Variants in IGF2R observed in about 807,000 individuals in gnomAD.
IGF2R encodes cation-independent mannose-6-phosphate receptor.
IGF2R carries 91 observed loss-of-function variants against 270.6 expected under a neutral mutation model. The ratio of observed to expected loss-of-function variants is 0.34; its 90% CI spans 0.28 to 0.40. The LOEUF is 0.40. Ranked by LOEUF, IGF2R falls within the 10% of genes least tolerant of loss-of-function variation. IGF2R has a pLI of 1.00. For synonymous variants in IGF2R, 1,316 were observed against 1,258.9 expected, an observed-to-expected ratio of 1.05 and a Z score of -0.96; for missense variants, 2,805 against 3,188.3, an observed-to-expected ratio of 0.88 and a Z score of 2.90.
At chr6:160,011,184 G>C (rs1051498200) in intron 4 of IGF2R, among the ~76,000 whole-genome samples, 1 of 152,128 alleles carries the variant, frequency 6.6e-6, no homozygotes, top group Admixed American at 6.5e-5. Context: ...CTTTCCACCT[G>C]TGTTGTACCC....
Position 160,084,964 on chromosome 6 carries a change from C to T in IGF2R, c.6069-31C>T. 6.2e-7 allele frequency: 1 copy of T among 1,601,574 alleles called. No homozygotes were observed. Among genetic ancestry groups the T allele is most frequent in the African/African-American group, 1.3e-5 (1 of 74,682 alleles). Reference sequence around the variant, plus strand: ...CAGGGCAGAGACGTCACTTGCATGCCTTTTACCTGCCCCTTTGTGTCGTTT... The same window carrying T: ...CAGGGCAGAGACGTCACTTGCATGCTTTTTACCTGCCCCTTTGTGTCGTTT... On this transcript the variant is annotated intron_variant, in intron 40 of 47. Coordinates refer to ENST00000356956, the MANE Select transcript of IGF2R (RefSeq NM_000876.4). The surrounding 1 kb of genome is among the most constrained non-coding windows in gnomAD (Gnocchi z 4.6).
chr6:160,030,606 A>G (rs1206711290), intron 7 of IGF2R, among the ~76,000 whole-genome samples: 1 of 152,100 alleles, frequency 6.6e-6, no homozygotes, highest in African/African-American at 2.4e-5. Context: ...TACAGATGTG[A>G]GTTGAAATCT....
intron 44 of IGF2R, among the ~76,000 whole-genome samples, chr6:160,090,722 T>C (rs1394754132): frequency 6.6e-6 from 1 of 152,222 alleles, no homozygotes; most frequent in South Asian, 2.1e-4. Context: ...GTAATAACTC[T>C]TTAAAAAAAA....
chr6:160,019,856 T>C (rs1777392895), intron 4 of IGF2R, among the ~76,000 whole-genome samples: 1 of 152,216 alleles, frequency 6.6e-6, no homozygotes, highest in South Asian at 2.1e-4. Context: ...AGCATCGTAC[T>C]GAACAGGGAA....
At chr6:160,093,662 A>G (rs1276488520) in intron 44 of IGF2R, 3 of 747,406 alleles carry the variant, frequency 4.0e-6, no homozygotes, top group Admixed American at 3.5e-5. Flanking sequence ...ATTCCTGCAA[A>G]CTCTGGCTCA....
chr6:159,975,756 T>C (rs1240921859), intron 1 of IGF2R, among the ~76,000 whole-genome samples: 1 of 147,500 alleles, frequency 6.8e-6, no homozygotes, highest in East Asian at 1.9e-4. Context: ...ATATATATTA[T>C]AGTGTATATT....
chr6:160,029,868 T>C (rs572415404), intron 7 of IGF2R, among the ~76,000 whole-genome samples: 1 of 152,346 alleles, frequency 6.6e-6, no homozygotes, highest in East Asian at 1.9e-4. Flanking sequence ...CATTTTGCCT[T>C]TTGCTTTTTT....
In IGF2R at chr6:160,050,379, T is replaced by C; in HGVS notation, c.2515-94T>C. ...AGTGGTTCTGTATTCAATAATTCAT[T>C]GTTTGCTGCAGCTTTATAGAATGTA... On this transcript the variant is annotated intron_variant, in intron 18 of 47. Coordinates refer to ENST00000356956, the MANE Select transcript of IGF2R (RefSeq NM_000876.4). The surrounding 1 kb of genome is among the most constrained non-coding windows in gnomAD (Gnocchi z 4.0). 8.1e-7 allele frequency: 1 copy of C among 1,231,218 alleles called. No individual in the cohort carries two copies. Among genetic ancestry groups the C allele is most frequent in the Non-Finnish European group, 1.1e-6 (1 of 869,620 alleles). 76.3% of individuals were successfully genotyped at this position (1,231,218 alleles called of 1,614,324 possible).
intron 2 of IGF2R, among the ~76,000 whole-genome samples, chr6:159,994,517 A>G (rs1328448035): frequency 6.7e-6 from 1 of 149,004 alleles, no homozygotes; most frequent in Admixed American, 6.7e-5. Flanking sequence ...TTTTTTTTCT[A>G]GTGCCATGAG....
intron 44 of IGF2R, chr6:160,094,946 C>G (rs1779316436): frequency 6.7e-6 from 1 of 150,156 alleles, no homozygotes; most frequent in African/African-American, 2.5e-5. Context: ...TCTCCAGGAG[C>G]TTTTTGGTAA....
chr6:160,017,649 A>T (rs573749019), intron 4 of IGF2R, among the ~76,000 whole-genome samples: 2 of 152,276 alleles, frequency 1.3e-5, no homozygotes, highest in East Asian at 3.9e-4. Flanking sequence ...CATCAAACTA[A>T]TAGGGGACTT....
At chr6:160,066,262 G>A (rs867553146) in intron 29 of IGF2R, among the ~76,000 whole-genome samples, 5 of 151,862 alleles carry the variant, frequency 3.3e-5, no homozygotes, top group African/African-American at 9.7e-5. Context: ...TGATTCGCCC[G>A]CCTTGGCCTC....
At chr6:159,982,089 A>G (rs1783814899) in intron 1 of IGF2R, among the ~76,000 whole-genome samples, 3 of 152,206 alleles carry the variant, frequency 2.0e-5, no homozygotes, top group East Asian at 1.9e-4. Flanking sequence ...AGCTCGGGGT[A>G]GGAGTCTTCA....
At position 160,050,936 on chromosome 6, in the gene IGF2R, A is replaced by T. The variant is rs1778182975; in HGVS notation, c.2694+284A>T. Reference sequence around the variant, plus strand: ...GATTTTTTTTCTGAGTCGTACAGACATTATCTTGCCTCTTAGTTCTTGTGA... The same window carrying T: ...GATTTTTTTTCTGAGTCGTACAGACTTTATCTTGCCTCTTAGTTCTTGTGA... On this transcript the variant is annotated intron_variant, in intron 19 of 47. Transcript: ENST00000356956. This position sits in a 1 kb window ranked among gnomAD's most constrained non-coding sequence, Gnocchi z 4.0. Among the ~76,000 whole-genome samples, 1 of 152,102 alleles carries T rather than the reference A, an allele frequency of 6.6e-6. No individual in the cohort carries two copies. The highest frequency in any genetic ancestry group is 2.1e-4 in the South Asian group (1 of 4,826).
At position 160,058,024 on chromosome 6, in the gene IGF2R, C is replaced by T. The variant is rs1778350547; in HGVS notation, c.2798C>T (p.Ala933Val). 6.2e-7 allele frequency: 1 copy of T among 1,608,018 alleles called. No individual in the cohort carries two copies. The highest frequency in any genetic ancestry group is 1.3e-5 in the African/African-American group (1 of 74,794). ...PIQTTTDTDQ[A>V]CSIRDPNSGF... ...TTTTCCCCATTTTGTTTCCTGTAGG[C>T]TTGCTCTATAAGGGATCCCAACAGT... The change falls in exon 21 of 48, where the codon GCT (alanine) becomes GTT (valine). Residue 933 changes from alanine (A) to valine (V), a missense_variant and splice_region_variant. Physicochemically the swap from Ala to Val is moderately conservative, Grantham distance 64. Transcript: ENST00000356956.
At position 160,089,973 on chromosome 6, in the gene IGF2R, C is replaced by G. The variant is rs770099023; in HGVS notation, c.6525C>G (p.Ile2175Met). Reference protein sequence around the residue: ...RTNGDNYLYEIQLSSITSSRN... With the variant: ...RTNGDNYLYEMQLSSITSSRN... The stretch of plus-strand genomic sequence containing the variant: ...ATGGGGACAACTACCTGTATGAGAT[C>G]CAACTTTCCTCCATCACAAGCTCCA... The change falls in exon 44 of 48, where the codon ATC (isoleucine) becomes ATG (methionine). Residue 2175 changes from isoleucine (I) to methionine (M), a missense_variant. Physicochemically the swap from Ile to Met is conservative, Grantham distance 10. Transcript: ENST00000356956. 4 of 1,607,698 alleles carry G rather than the reference C, an allele frequency of 2.5e-6. No individual in the cohort carries two copies. The highest frequency in any genetic ancestry group is 3.4e-6 in the Non-Finnish European group (4 of 1,177,248).
chr6:160,085,551 A>T (rs1371861985), intron 41 of IGF2R, among the ~76,000 whole-genome samples: 1 of 152,250 alleles, frequency 6.6e-6, no homozygotes, highest in African/African-American at 2.4e-5. Flanking sequence ...AAAATGTCTT[A>T]ACAATTTTTC....
intron 27 of IGF2R, among the ~76,000 whole-genome samples, chr6:160,063,842 C>T (rs1267973006): frequency 1.3e-5 from 2 of 151,462 alleles, no homozygotes; most frequent in African/African-American, 2.4e-5. Context: ...CTATTTTATT[C>T]TTAGTTAGCC....
rs1238512053 is a variant in IGF2R, at chr6:160,062,700, C to G, written c.3670+81C>G. The G allele has an allele frequency of 4.2e-6, 4 of 945,482 alleles. No individual in the cohort carries two copies. The Admixed American group carries it at 6.9e-5, about 16-fold the overall frequency. 58.6% of individuals were successfully genotyped at this position (945,482 alleles called of 1,614,324 possible). A position where few individuals can be genotyped will look rare whatever the true frequency, so the allele number is the denominator to read the frequency against. On this transcript the variant is annotated intron_variant, in intron 26 of 47. Coordinates refer to ENST00000356956, the MANE Select transcript of IGF2R (RefSeq NM_000876.4). ...CTGAACGATGCCTTAGATATGAGAC[C>G]GTGTGATAACAGCCATAGCTGGGGT...
Sources: allele counts gnomAD v4.1 joint callset (sites outside exome capture counted in the v4.1 genomes callset), GRCh38; gene constraint gnomAD v4.1.1; non-coding constraint Gnocchi (gnomAD v3.1); transcripts MANE v1.5; gene names NCBI Gene and HGNC (gene_info 2026-07-23, HGNC 2026-07-21).